The following FAM227B variants were observed in gnomAD, a reference collection of about 807,000 sequenced individuals.
FAM227B encodes the protein family with sequence similarity 227 member B.
In FAM227B, 88 loss-of-function variants were observed where a neutral mutation model predicts 73.8. The ratio of observed to expected loss-of-function variants is 1.19; its 90% CI spans 1.00 to 1.42. The LOEUF is 1.42. Among genes scored for constraint, FAM227B ranks in the 40% most tolerant of loss-of-function variants. The probability of loss-of-function intolerance (pLI) is 0.00; values close to 1 mark genes in which losing one functional copy is unlikely to be tolerated. For synonymous variants in FAM227B, 210 were observed against 190.5 expected, an observed-to-expected ratio of 1.10 and a Z score of -0.84; for missense variants, 632 against 590.9, an observed-to-expected ratio of 1.07 and a Z score of -0.72.
chr15:49,346,312 C>T (rs994668968), intron 13 of FAM227B, among the ~76,000 whole-genome samples: 1 of 152,182 alleles, frequency 6.6e-6, no homozygotes, highest in Admixed American at 6.5e-5. Flanking sequence ...TGTGCTAACA[C>T]GATTTTCTAT....
At chr15:49,470,929 G>A (rs546357369) in intron 11 of FAM227B, among the ~76,000 whole-genome samples, 1 of 152,144 alleles carries the variant, frequency 6.6e-6, no homozygotes, top group Admixed American at 6.5e-5. Context: ...AGGACACCAA[G>A]GGAACTACTG....
At chr15:49,365,729 T>C in intron 13 of FAM227B, 3 of 889,188 alleles carry the variant, frequency 3.4e-6, no homozygotes, top group South Asian at 2.6e-5. Flanking sequence ...ATCTCCAAGA[T>C]ATCTTGTAAA....
chr15:49,401,027 G>A (rs1421895645), intron 11 of FAM227B, among the ~76,000 whole-genome samples: 1 of 152,170 alleles, frequency 6.6e-6, no homozygotes, highest in Non-Finnish European at 1.5e-5. Context: ...AAGAGCTTCT[G>A]CACAGCAAAA....
At chr15:49,537,484 G>A (rs2070441032) in intron 10 of FAM227B, among the ~76,000 whole-genome samples, 1 of 152,068 alleles carries the variant, frequency 6.6e-6, no homozygotes, top group African/African-American at 2.4e-5. Flanking sequence ...GACTGGTGCA[G>A]CTATTGAGGA....
intron 11 of FAM227B, among the ~76,000 whole-genome samples, chr15:49,469,303 A>G (rs2151957789): frequency 6.6e-6 from 1 of 152,312 alleles, no homozygotes; most frequent in South Asian, 2.1e-4. Context: ...AATACTGTCT[A>G]TACAGAAAAC....
At chr15:49,380,862 A>G (rs923192044) in intron 11 of FAM227B, among the ~76,000 whole-genome samples, 4 of 152,178 alleles carry the variant, frequency 2.6e-5, no homozygotes, top group Non-Finnish European at 4.4e-5. Context: ...GTGTTAGTCC[A>G]TTCTTGCATT....
chr15:49,464,066 C>T (rs530739400), intron 11 of FAM227B, among the ~76,000 whole-genome samples: 2 of 152,154 alleles, frequency 1.3e-5, no homozygotes, highest in African/African-American at 4.8e-5. Flanking sequence ...CAAACACCTG[C>T]TGTATGGACA....
intron 9 of FAM227B, among the ~76,000 whole-genome samples, chr15:49,552,023 C>G (rs555518152): frequency 3.0e-4 from 46 of 152,164 alleles, no homozygotes; most frequent in Non-Finnish European, 5.7e-4. Context: ...AGTTTACACA[C>G]AACAGTTGCA....
intron 13 of FAM227B, among the ~76,000 whole-genome samples, chr15:49,351,440 A>AT (rs1299010192): frequency 2.0e-5 from 3 of 152,146 alleles, no homozygotes; most frequent in Admixed American, 6.5e-5. Context: ...GACAATGTTG[A>AT]TTTTTTTCTA....
chr15:49,333,869 A>C (rs1465463407), intron 14 of FAM227B, among the ~76,000 whole-genome samples: 1 of 152,192 alleles, frequency 6.6e-6, no homozygotes, highest in African/African-American at 2.4e-5. Flanking sequence ...TGCTTCATTG[A>C]GGAAAAATGT....
chr15:49,334,225 G>C (rs996870775), intron 14 of FAM227B: 2 of 981,208 alleles, frequency 2.0e-6, no homozygotes, highest in African/African-American at 3.5e-5. Flanking sequence ...AACCTATCAA[G>C]CTCCTTGTCA....
intron 10 of FAM227B, among the ~76,000 whole-genome samples, chr15:49,536,314 C>G (rs1198017574): frequency 6.6e-6 from 1 of 151,542 alleles, no homozygotes; most frequent in Non-Finnish European, 1.5e-5. Flanking sequence ...TTTAAAAATT[C>G]CATTTAATAA....
At chr15:49,514,954 G>A (rs530154258) in intron 10 of FAM227B, among the ~76,000 whole-genome samples, 10 of 152,080 alleles carry the variant, frequency 6.6e-5, no homozygotes, top group Non-Finnish European at 1.5e-4. Context: ...TTGAATCAAA[G>A]TTTATTTTTC....
At chr15:49,394,856 T>C (rs555013348) in intron 11 of FAM227B, among the ~76,000 whole-genome samples, 1 of 152,262 alleles carries the variant, frequency 6.6e-6, no homozygotes, top group Non-Finnish European at 1.5e-5. Flanking sequence ...ATTTGTACCT[T>C]CACTTGAAAA....
intron 8 of FAM227B, among the ~76,000 whole-genome samples, chr15:49,573,047 T>C (rs2075220151): frequency 6.6e-6 from 1 of 151,954 alleles, no homozygotes; most frequent in Non-Finnish European, 1.5e-5. Context: ...TGGAGAACTT[T>C]CTCTTTTTTC....
chr15:49,487,535 A>G (rs1223453078), intron 11 of FAM227B: 1 of 152,028 alleles, frequency 6.6e-6, no homozygotes, highest in East Asian at 1.9e-4. Flanking sequence ...TAGGGTTTCT[A>G]TCTCATAGAG....
At chr15:49,556,977 C>T (rs1456195962) in intron 9 of FAM227B, among the ~76,000 whole-genome samples, 1 of 152,148 alleles carries the variant, frequency 6.6e-6, no homozygotes, top group Non-Finnish European at 1.5e-5. Context: ...TGCCCCTTGC[C>T]TGCTCATCTC....
intron 2 of FAM227B, among the ~76,000 whole-genome samples, chr15:49,614,101 C>A (rs1236606106): frequency 6.6e-6 from 1 of 151,684 alleles, no homozygotes; most frequent in Non-Finnish European, 1.5e-5. Flanking sequence ...GTACAAAGCA[C>A]CAAAAATAAT....
At chr15:49,598,146 C>T (rs2076986647) in intron 3 of FAM227B, among the ~76,000 whole-genome samples, 1 of 151,776 alleles carries the variant, frequency 6.6e-6, no homozygotes, top group Non-Finnish European at 1.5e-5. Flanking sequence ...ACCTTAATAC[C>T]AAAACTAGGA....
Sources: gnomAD v4.1 joint callset for allele counts (sites outside exome capture counted in the v4.1 genomes callset) on GRCh38, gnomAD v4.1.1 for gene constraint, MANE v1.5 for transcripts, NCBI Gene and HGNC (gene_info 2026-07-23, HGNC 2026-07-21) for gene names.